Variants in EXOSC8 observed in about 807,000 individuals in gnomAD.
EXOSC8 encodes exosome component 8, also known as exosome complex component RRP43.
Under a neutral mutation model 39.9 loss-of-function variants are expected in EXOSC8, and 37 were observed. The ratio of observed to expected loss-of-function variants is 0.93; its 90% CI spans 0.71 to 1.22. The LOEUF is 1.22. Ranked by LOEUF, EXOSC8 falls within the 50% of genes most tolerant of loss-of-function variation. The probability of loss-of-function intolerance (pLI) is 0.00; values close to 1 mark genes in which losing one functional copy is unlikely to be tolerated. For synonymous variants in EXOSC8, 93 were observed against 109.5 expected (o/e 0.85, Z 0.94); for missense variants, 313 against 326.6 (o/e 0.96, Z 0.32).
intron 4 of EXOSC8, chr13:37,003,895 G>C (rs571634126): frequency 1.4e-5 from 2 of 147,468 alleles, no homozygotes; most frequent in Non-Finnish European, 3.0e-5. Flanking sequence ...TTTTTGAGAC[G>C]GAGTCTTGCT....
Position 37,009,272 on chromosome 13 carries a change from A to G in EXOSC8, c.804A>G (p.Glu268=). The change falls in exon 11 of 11, where the codon GAA becomes GAG. Residue 268 remains glutamate, a synonymous_variant. Coordinates refer to ENST00000389704, the MANE Select transcript of EXOSC8 (RefSeq NM_181503.3). ...RHKEVKKLMD[E]VIKSMKPK is the part of the protein sequence containing the mutation. ...AAGAAGTTAAAAAACTGATGGATGA[A>G]GTAATTAAGAGTATGAAACCCAAAT... 6.2e-7 allele frequency: 1 copy of G among 1,603,056 alleles called. No homozygotes were observed.
intron 3 of EXOSC8, 22 bp from the exon 4 acceptor site, chr13:37,002,912 T>C: frequency 6.4e-7 from 1 of 1,561,258 alleles, no homozygotes; most frequent in Non-Finnish European, 8.8e-7. Context: ...TTATGAACCT[T>C]TCATTTTGCT....
intron 10 of EXOSC8, 106 bp from the exon 11 acceptor site, chr13:37,009,078 G>GA: frequency 1.3e-6 from 1 of 776,528 alleles, no homozygotes; most frequent in Non-Finnish European, 2.1e-6. Context: ...ACTGTACCCT[G>GA]ATTTACATTA....
intron 5 of EXOSC8, among the ~76,000 whole-genome samples, chr13:37,004,769 T>TCAAA (rs1346765435): frequency 6.6e-6 from 1 of 152,222 alleles, no homozygotes; most frequent in Non-Finnish European, 1.5e-5. Flanking sequence ...TTAACCTTTA[T>TCAAA]CAAACTTGTT....
intron 4 of EXOSC8, chr13:37,003,343 A>G (rs914402142): frequency 1.5e-5 from 3 of 201,916 alleles, no homozygotes. Context: ...TAGAAAATTG[A>G]AATTGTTGAA....
Position 37,005,938 on chromosome 13 carries a change from C to T in EXOSC8, c.257C>T (p.Pro86Leu), listed in dbSNP as rs757480320. The T allele has an allele frequency of 1.2e-6, 2 of 1,602,714 alleles. No homozygotes were observed. The highest frequency in any genetic ancestry group is 2.2e-5 in the South Asian group (2 of 90,656). The change falls in exon 6 of 11, where the codon CCA (proline) becomes CTA (leucine). Residue 86 changes from proline (P) to leucine (L), a missense_variant. Pro to Leu is a moderately conservative substitution (Grantham distance 98). Coordinates refer to ENST00000389704, the MANE Select transcript of EXOSC8 (RefSeq NM_181503.3). ...CTTTCAGTTCCTAATGTGGATCTAC[C>T]ACCCCTGTGTTCATCGAGATTCCGG... ...KGYVVPNVDL[P>L]PLCSSRFRSG... is the part of the protein sequence containing the mutation.
rs374256517 is a variant in EXOSC8 at position 37,002,814 on chromosome 13, C to T, written c.119-120C>T. The stretch of plus-strand genomic sequence containing the variant: ...TCTAACTTGAAATATTCATAAGCAA[C>T]TGAGAGGGGTAGCAAGATAATCGTA... On this transcript the variant is annotated intron_variant, in intron 3 of 10. Transcript: ENST00000389704. 1,909 of 719,286 alleles carry T rather than the reference C, an allele frequency of 2.7e-3. 50 individuals carry two copies. In the South Asian group the frequency reaches 0.029, roughly 11 times the overall value. 44.6% of individuals were successfully genotyped at this position (719,286 alleles called of 1,614,324 possible). A position where few individuals can be genotyped will look rare whatever the true frequency, so the allele number is the denominator to read the frequency against.
intron 3 of EXOSC8, 68 bp downstream of exon 3, chr13:37,002,619 A>G (rs1457117391): frequency 1.8e-6 from 2 of 1,081,420 alleles, no homozygotes; most frequent in Non-Finnish European, 2.7e-6. Context: ...CCAGCCAAAC[A>G]GTTTTTCACC....
chr13:37,008,784 T>G lies in EXOSC8; in HGVS notation c.664T>G (p.Leu222Val). The G allele has an allele frequency of 6.2e-7, 1 of 1,613,798 alleles. No individual in the cohort carries two copies. Among genetic ancestry groups the G allele is most frequent in the Non-Finnish European group, 8.5e-7 (1 of 1,179,720 alleles). ...GGAGGAACATCTGGCAACAGGAACC[T>G]TAACAATAGTAATGGATGAGGAAGG... The part of the protein sequence containing the change: ...GEEEHLATGT[L>V]TIVMDEEGKL... Residue 222 changes from leucine to valine, a missense_variant, in exon 10 of 11, where the codon TTA becomes GTA. Leu to Val is a conservative substitution (Grantham distance 32). Coordinates refer to ENST00000389704, the MANE Select transcript of EXOSC8 (RefSeq NM_181503.3).
chr13:37,002,793 A>C (rs2059115122), intron 3 of EXOSC8, 141 bp from the exon 4 acceptor site: 1 of 687,528 alleles, frequency 1.5e-6, no homozygotes, highest in East Asian at 2.7e-5. Context: ...AATTATTCTA[A>C]CTTGAAATAT....
chr13:37,009,004 T>C (rs747633370), intron 10 of EXOSC8, among the ~76,000 whole-genome samples, 169 bp downstream of exon 10: 2 of 152,246 alleles, frequency 1.3e-5, no homozygotes, highest in Non-Finnish European at 2.9e-5. Flanking sequence ...TCAGTGGTTC[T>C]TAAACTTAAG....
At chr13:37,003,169 C>T (rs1389791451) in intron 4 of EXOSC8, 162 bp downstream of exon 4, 10 of 484,924 alleles carry the variant, frequency 2.1e-5, no homozygotes, top group Non-Finnish European at 3.6e-5. Context: ...GATAATATGA[C>T]CCAAGTTTAA....
At chr13:37,004,216 C>T in intron 4 of EXOSC8, 1 of 251,594 alleles carries the variant, frequency 4.0e-6, no homozygotes, top group Non-Finnish European at 7.5e-6. Context: ...CTAAATCTTG[C>T]TCTATCATCT....
Position 37,004,540 on chromosome 13 carries a change from G to T in EXOSC8, c.217G>T (p.Ala73Ser). ...KAEFAAPSTD[A>S]PDKGYVVPNV... ...GGAATTTGCAGCACCATCAACAGAT[G>T]CCCCTGATAAAGGATACGTTGGTAA... The change falls in exon 5 of 11, where the codon GCC becomes TCC. Residue 73 changes from alanine (A) to serine (S), a missense_variant. Ala to Ser is a moderately conservative substitution (Grantham distance 99). Coordinates refer to ENST00000389704, the MANE Select transcript of EXOSC8 (RefSeq NM_181503.3). The T allele has an allele frequency of 1.2e-6, 2 of 1,607,742 alleles. No individual in the cohort carries two copies. Among genetic ancestry groups the T allele is most frequent in the Non-Finnish European group, 1.7e-6 (2 of 1,175,076 alleles).
Position 37,009,248 on chromosome 13 carries a change from A to G in EXOSC8, c.780A>G (p.Lys260=), listed in dbSNP as rs745323976. 1 of 1,613,670 alleles carries G rather than the reference A, an allele frequency of 6.2e-7. No homozygotes were observed. Among genetic ancestry groups the G allele is most frequent in the Non-Finnish European group, 8.5e-7 (1 of 1,179,692 alleles). Residue 260 remains lysine (K), a synonymous_variant, in exon 11 of 11, where the codon AAA becomes AAG. Transcript: ENST00000389704. The part of the protein sequence containing the change: ...DCMSRAVTRH[K]EVKKLMDEVI... ...TGAGCCGAGCAGTTACAAGACACAA[A>G]GAAGTTAAAAAACTGATGGATGAAG...
chr13:37,007,463 T>C (rs2059149489), intron 8 of EXOSC8, among the ~76,000 whole-genome samples: 1 of 152,224 alleles, frequency 6.6e-6, no homozygotes, highest in Non-Finnish European at 1.5e-5. Flanking sequence ...GGGAAGTTTC[T>C]TAGCAAGGAG....
chr13:37,006,300 T>C (rs1334505493), intron 7 of EXOSC8, 140 bp downstream of exon 7: 3 of 616,438 alleles, frequency 4.9e-6, no homozygotes, highest in African/African-American at 1.9e-5. Context: ...AGAGATTCAG[T>C]AATTTCTTAC....
At chr13:37,002,630 C>A in intron 3 of EXOSC8, 79 bp downstream of exon 3, 3 of 1,005,504 alleles carry the variant, frequency 3.0e-6, no homozygotes, top group South Asian at 1.6e-5. Context: ...GTTTTTCACC[C>A]AAATTCTTTG....
rs2059136041 is a variant in EXOSC8 at position 37,005,940 on chromosome 13, C to A, written c.259C>A (p.Pro87Thr). The change falls in exon 6 of 11, where the codon CCC (proline) becomes ACC (threonine). Residue 87 changes from proline to threonine, a missense_variant. Physicochemically the swap from Pro to Thr is conservative, Grantham distance 38. Transcript: ENST00000389704. Reference sequence around the variant, plus strand: ...TTCAGTTCCTAATGTGGATCTACCACCCCTGTGTTCATCGAGATTCCGGTC... The same window carrying A: ...TTCAGTTCCTAATGTGGATCTACCAACCCTGTGTTCATCGAGATTCCGGTC... ...GYVVPNVDLP[P>T]LCSSRFRSGP... The A allele has an allele frequency of 6.2e-7, 1 of 1,606,728 alleles. No homozygotes were observed. The highest frequency in any genetic ancestry group is 8.5e-7 in the Non-Finnish European group (1 of 1,173,902).
Sources: gnomAD v4.1 joint callset for allele counts (sites outside exome capture counted in the v4.1 genomes callset) on GRCh38, gnomAD v4.1.1 for gene constraint, MANE v1.5 for transcripts, NCBI Gene and HGNC (gene_info 2026-07-23, HGNC 2026-07-21) for gene names.